RPS6KC1: variants seen among roughly 807,000 people sequenced by gnomAD.
RPS6KC1 encodes the protein inactive ribosomal protein S6 kinase delta-1.
RPS6KC1 carries 54 observed loss-of-function variants against 103.8 expected under a neutral mutation model. That is an observed-to-expected ratio of 0.52 (90% CI 0.42 to 0.65). The LOEUF is 0.65. RPS6KC1 is among the 30% of genes least tolerant of loss of function. The pLI is 0.00. For missense variants in RPS6KC1, 1,151 were observed against 1,253.8 expected, an observed-to-expected ratio of 0.92 and a Z score of 1.24; for synonymous variants, 439 against 438.7, an observed-to-expected ratio of 1.00 and a Z score of -0.01.
chr1:213,143,708 TTAAC>T, intron 6 of RPS6KC1, among the ~76,000 whole-genome samples: 1 of 152,202 alleles, frequency 6.6e-6, no homozygotes, highest in African/African-American at 2.4e-5. Context: ...TATTGGTGCT[TTAAC>T]TACTTAACAT....
At chr1:213,837,255 G>T in the RPS6KC1 span, 1 of 151,902 alleles carries the variant, frequency 6.6e-6, no homozygotes, top group Non-Finnish European at 1.5e-5. Flanking sequence ...ACCCTCTAAG[G>T]CAAGATATTT....
the RPS6KC1 span, among the ~76,000 whole-genome samples, chr1:213,524,051 C>G: frequency 7.2e-4 from 110 of 152,122 alleles, no homozygotes; most frequent in Middle Eastern, 6.8e-3. Context: ...AAAGAGGAAG[C>G]CCCGGGAGGC....
chr1:213,161,322 ATTCT>A (rs775547887), intron 6 of RPS6KC1, among the ~76,000 whole-genome samples: 1 of 151,010 alleles, frequency 6.6e-6, no homozygotes. Flanking sequence ...TACTTGACTC[ATTCT>A]TTTTTTTTTT....
At chr1:213,141,894 T>A (rs1450735176) in intron 6 of RPS6KC1, among the ~76,000 whole-genome samples, 1 of 151,990 alleles carries the variant, frequency 6.6e-6, no homozygotes, top group Non-Finnish European at 1.5e-5. Context: ...GTCTATTTAG[T>A]CAAACGTTGA....
the RPS6KC1 span, among the ~76,000 whole-genome samples, chr1:213,485,486 C>T: frequency 6.6e-6 from 1 of 152,120 alleles, no homozygotes. Context: ...GTCTGCTGTA[C>T]CCAGCTAGAA....
intron 8 of RPS6KC1, among the ~76,000 whole-genome samples, chr1:213,193,554 G>A (rs2092828332): frequency 1.3e-5 from 2 of 152,192 alleles, no homozygotes; most frequent in African/African-American, 4.8e-5. Context: ...GAGCCACCAT[G>A]CCTGGCCTCT....
At chr1:213,628,858 A>G in the RPS6KC1 span, among the ~76,000 whole-genome samples, 1 of 152,102 alleles carries the variant, frequency 6.6e-6, no homozygotes, top group East Asian at 1.9e-4. Context: ...GTCATTCAGG[A>G]GCAGGTTGCT....
the RPS6KC1 span, among the ~76,000 whole-genome samples, chr1:213,456,342 A>C: frequency 6.6e-6 from 1 of 152,164 alleles, no homozygotes; most frequent in African/African-American, 2.4e-5. Flanking sequence ...TGACATACAC[A>C]AAAGATAGTC....
chr1:213,381,977 T>C, the RPS6KC1 span, among the ~76,000 whole-genome samples: 1 of 152,188 alleles, frequency 6.6e-6, no homozygotes, highest in Non-Finnish European at 1.5e-5. Flanking sequence ...TCAGCTCGAC[T>C]CCAAGGAACC....
At chr1:213,686,802 C>T in the RPS6KC1 span, among the ~76,000 whole-genome samples, 13,750 of 152,076 alleles carry the variant, frequency 0.09, 719 homozygotes, top group African/African-American at 0.12. Flanking sequence ...TCCATAGCTC[C>T]CTTGGGGCAG....
chr1:213,671,401 G>A, the RPS6KC1 span, among the ~76,000 whole-genome samples: 1 of 152,200 alleles, frequency 6.6e-6, no homozygotes, highest in East Asian at 1.9e-4. Flanking sequence ...GGGAGATGTT[G>A]GTCAGTGGGT....
the RPS6KC1 span, among the ~76,000 whole-genome samples, chr1:213,677,214 C>T: frequency 6.6e-6 from 1 of 152,214 alleles, no homozygotes; most frequent in African/African-American, 2.4e-5. Context: ...GGAACAAGGT[C>T]TCTTGTTATT....
At chr1:213,448,755 A>G in the RPS6KC1 span, among the ~76,000 whole-genome samples, 45 of 137,606 alleles carry the variant, frequency 3.3e-4, no homozygotes, top group Middle Eastern at 3.6e-3. Flanking sequence ...TGGAGCAGAC[A>G]GGCAATCTGT....
At chr1:213,320,830 T>C in the RPS6KC1 span, among the ~76,000 whole-genome samples, 1 of 152,216 alleles carries the variant, frequency 6.6e-6, no homozygotes, top group Non-Finnish European at 1.5e-5. Context: ...TTTCTCCATC[T>C]GTGAGTCTTT....
At chr1:213,117,217 C>A in intron 4 of RPS6KC1, 100 bp from the exon 5 acceptor site, 45 of 562,472 alleles carry the variant, frequency 8.0e-5, no homozygotes, top group East Asian at 1.0e-4. Context: ...ATAGTCGTTT[C>A]TGTACATCTT....
chr1:213,232,677 G>A (rs908599540), intron 10 of RPS6KC1, among the ~76,000 whole-genome samples: 17 of 152,264 alleles, frequency 1.1e-4, no homozygotes, highest in Admixed American at 2.6e-4. Context: ...AGGCAAGGGT[G>A]TTGGCTTAAC....
chr1:213,860,856 T>C, the RPS6KC1 span, among the ~76,000 whole-genome samples: 1 of 151,878 alleles, frequency 6.6e-6, no homozygotes, highest in Non-Finnish European at 1.5e-5. Flanking sequence ...CCACCCAGGC[T>C]GGAGTGCAGT....
the RPS6KC1 span, among the ~76,000 whole-genome samples, chr1:213,433,621 G>A: frequency 1.3e-5 from 2 of 152,128 alleles, no homozygotes; most frequent in African/African-American, 4.8e-5. Flanking sequence ...CAGTTGCTGC[G>A]TATTCTCACC....
At chr1:213,512,458 T>C in the RPS6KC1 span, among the ~76,000 whole-genome samples, 1 of 152,178 alleles carries the variant, frequency 6.6e-6, no homozygotes, top group Non-Finnish European at 1.5e-5. Flanking sequence ...GTAATAAAAG[T>C]CACACAGCTC....
Sources: gnomAD v4.1 joint callset for allele counts (sites outside exome capture counted in the v4.1 genomes callset) on GRCh38, gnomAD v4.1.1 for gene constraint, MANE v1.5 for transcripts, NCBI Gene and HGNC (gene_info 2026-07-23, HGNC 2026-07-21) for gene names.